Variants in KCNH7 observed in about 807,000 individuals in gnomAD.
KCNH7 encodes the protein voltage-gated inwardly rectifying potassium channel KCNH7.
Under a neutral mutation model 120.8 loss-of-function variants are expected in KCNH7, and 49 were observed. The ratio of observed to expected loss-of-function variants is 0.41; its 90% CI spans 0.32 to 0.51. KCNH7 has a LOEUF of 0.51. KCNH7 is among the 20% of genes least tolerant of loss of function. The pLI, the probability that KCNH7 is intolerant of heterozygous loss-of-function variation, is 0.38. For missense variants in KCNH7, 1,097 were observed against 1,446.6 expected, an observed-to-expected ratio of 0.76 and a Z score of 3.92; for synonymous variants, 547 against 516.1, an observed-to-expected ratio of 1.06 and a Z score of -0.81.
At chr2:162,674,353 T>C (rs949149015) in intron 2 of KCNH7, among the ~76,000 whole-genome samples, 1 of 151,782 alleles carries the variant, frequency 6.6e-6, no homozygotes, top group Non-Finnish European at 1.5e-5. Flanking sequence ...TTTAAGAAGA[T>C]CTGAGTAAAT....
At chr2:162,423,004 T>G (rs913806230) in intron 9 of KCNH7, among the ~76,000 whole-genome samples, 1 of 152,074 alleles carries the variant, frequency 6.6e-6, no homozygotes, top group Non-Finnish European at 1.5e-5. Flanking sequence ...GATTCAACTA[T>G]TTTTTGGGGG....
chr2:162,470,048 G>A lies in KCNH7; in HGVS notation c.1129-23605C>T, dbSNP rs921919361. ...GGCTGGAGTGCAGTGGCGTGATCTCGGCTCGCTACAACCTCCATCTCCCAG... is the reference window on the plus strand; with the variant it reads ...GGCTGGAGTGCAGTGGCGTGATCTCAGCTCGCTACAACCTCCATCTCCCAG... On this transcript the variant is annotated intron_variant, in intron 6 of 15. Coordinates refer to ENST00000332142, the MANE Select transcript of KCNH7 (RefSeq NM_033272.4). 5.3e-5 allele frequency among the ~76,000 whole-genome samples: 8 copies of A among 152,298 alleles called. No individual in the cohort carries two copies. In the South Asian group the frequency reaches 1.2e-3, roughly 24 times the overall value.
At chr2:162,524,390 G>A (rs1691631356) in intron 3 of KCNH7, among the ~76,000 whole-genome samples, 1 of 151,992 alleles carries the variant, frequency 6.6e-6, no homozygotes, top group African/African-American at 2.4e-5. Context: ...TCCAGGGAGG[G>A]GCAGCAGTGT....
intron 8 of KCNH7, among the ~76,000 whole-genome samples, chr2:162,434,171 C>T (rs186302908): frequency 3.3e-5 from 5 of 152,118 alleles, no homozygotes; most frequent in African/African-American, 1.2e-4. Context: ...TAAGTGGAGG[C>T]TAAGCATTAC....
intron 2 of KCNH7, among the ~76,000 whole-genome samples, chr2:162,584,391 CT>C (rs762177475): frequency 3.2e-4 from 48 of 152,166 alleles, no homozygotes; most frequent in Admixed American, 7.9e-4. Flanking sequence ...TGTCCTTGAA[CT>C]TTCAAGAACC....
chr2:162,749,768 G>T (rs1688475984), intron 2 of KCNH7, among the ~76,000 whole-genome samples: 1 of 152,064 alleles, frequency 6.6e-6, no homozygotes, highest in Non-Finnish European at 1.5e-5. Context: ...AATTCATAGA[G>T]TATAGCACGT....
chr2:162,728,626 A>C (rs1377145514), intron 2 of KCNH7, among the ~76,000 whole-genome samples: 2 of 152,174 alleles, frequency 1.3e-5, no homozygotes, highest in Admixed American at 6.5e-5. Context: ...TAAAACTACA[A>C]AATTAGCCGG....
At chr2:162,668,980 TTTAAAAA>T (rs1469237389) in intron 2 of KCNH7, among the ~76,000 whole-genome samples, 2 of 152,220 alleles carry the variant, frequency 1.3e-5, no homozygotes, top group African/African-American at 4.8e-5. Context: ...TAAAGGTAAT[TTTAAAAA>T]TTAGAGGGTA....
intron 12 of KCNH7, among the ~76,000 whole-genome samples, chr2:162,390,294 A>G (rs1686707246): frequency 6.6e-6 from 1 of 150,470 alleles, no homozygotes; most frequent in Non-Finnish European, 1.5e-5. Flanking sequence ...TATAATATAT[A>G]AATTATGTAT....
Position 162,384,694 on chromosome 2 carries a change from A to C in KCNH7, c.2956T>G (p.Cys986Gly), listed in dbSNP as rs374512472. The C allele has an allele frequency of 6.3e-5, 102 of 1,612,108 alleles. No individual in the cohort carries two copies. Among genetic ancestry groups the C allele is most frequent in the Non-Finnish European group, 3.9e-5 (46 of 1,178,792 alleles). The change falls in exon 13 of 16, where the codon TGC becomes GGC. Residue 986 changes from cysteine to glycine, a missense_variant. By Grantham distance (159) the Cys-to-Gly change is radical (BLOSUM62 -3). Coordinates refer to ENST00000332142, the MANE Select transcript of KCNH7 (RefSeq NM_033272.4). The part of the protein sequence containing the change: ...RMHIDKRSHS[C>G]KDITDMRSWE... ...ATGTCTAACTCTGGATTACCTTTGC[A>C]AGAGTGACTTCTTTTATCTATGTGC...
At chr2:162,615,971 A>C (rs1683126717) in intron 2 of KCNH7, among the ~76,000 whole-genome samples, 1 of 152,232 alleles carries the variant, frequency 6.6e-6, no homozygotes, top group Non-Finnish European at 1.5e-5. Context: ...AAGTTACTAA[A>C]TTAGAGATAG....
intron 2 of KCNH7, among the ~76,000 whole-genome samples, chr2:162,800,231 T>C (rs1346741612): frequency 6.6e-6 from 1 of 151,746 alleles, no homozygotes; most frequent in Non-Finnish European, 1.5e-5. Context: ...TAAGTGAGAA[T>C]TGTTATTGCT....
At chr2:162,691,554 TAAC>T (rs904372213) in intron 2 of KCNH7, among the ~76,000 whole-genome samples, 1 of 152,184 alleles carries the variant, frequency 6.6e-6, no homozygotes, top group African/African-American at 2.4e-5. Context: ...CTTTTTGTAA[TAAC>T]AATTTTATAG....
chr2:162,426,153 G>C (rs536062413), intron 8 of KCNH7, among the ~76,000 whole-genome samples: 1 of 150,062 alleles, frequency 6.7e-6, no homozygotes, highest in Non-Finnish European at 1.5e-5. Flanking sequence ...GGCTCAGGTT[G>C]CAGTGAGCCA....
chr2:162,452,234 T>C (rs1305275099), intron 6 of KCNH7, among the ~76,000 whole-genome samples: 1 of 152,090 alleles, frequency 6.6e-6, no homozygotes, highest in Non-Finnish European at 1.5e-5. Flanking sequence ...GGATAGTTAC[T>C]ATTTATTTAT....
chr2:162,692,173 G>T (rs1199046574), intron 2 of KCNH7, among the ~76,000 whole-genome samples: 2 of 151,532 alleles, frequency 1.3e-5, no homozygotes, highest in Non-Finnish European at 2.9e-5. Context: ...CCAGTCTGGA[G>T]TGCAGTGAGT....
intron 2 of KCNH7, among the ~76,000 whole-genome samples, chr2:162,777,032 G>A (rs935214408): frequency 3.3e-5 from 5 of 152,052 alleles, no homozygotes; most frequent in Non-Finnish European, 7.4e-5. Context: ...CACCATCTTT[G>A]ACTAGTACAT....
chr2:162,769,218 G>A (rs1032111472), intron 2 of KCNH7, among the ~76,000 whole-genome samples: 1 of 150,482 alleles, frequency 6.6e-6, no homozygotes, highest in East Asian at 1.9e-4. Context: ...GCTCTCTTGC[G>A]GCCTTAAAAC....
intron 2 of KCNH7, among the ~76,000 whole-genome samples, chr2:162,816,095 T>A (rs1407896130): frequency 6.6e-6 from 1 of 151,634 alleles, no homozygotes; most frequent in Non-Finnish European, 1.5e-5. Context: ...CCATCTCTAC[T>A]AAAAACCCAA....
Sources: gnomAD v4.1 joint callset for allele counts (sites outside exome capture counted in the v4.1 genomes callset) on GRCh38, gnomAD v4.1.1 for gene constraint, MANE v1.5 for transcripts, NCBI Gene and HGNC (gene_info 2026-07-23, HGNC 2026-07-21) for gene names.